SMG6: variants seen among roughly 807,000 people sequenced by gnomAD.
SMG6 encodes the protein SMG6 nonsense mediated mRNA decay factor.
In SMG6, 66 loss-of-function variants were observed where a neutral mutation model predicts 142.2. The ratio of observed to expected loss-of-function variants is 0.46; its 90% confidence interval spans 0.38 to 0.57. The LOEUF (loss-of-function observed/expected upper bound fraction) is 0.57. Ranked by LOEUF, SMG6 falls within the 20% of genes least tolerant of loss-of-function variation. SMG6 has a pLI of 0.00. For synonymous variants in SMG6, 779 were observed against 702.4 expected, an observed-to-expected ratio of 1.11 and a Z score of -1.72; for missense variants, 1,793 against 1,832.0, an observed-to-expected ratio of 0.98 and a Z score of 0.39.
chr17:2,068,780 A>G lies in SMG6; in HGVS notation c.3833T>C (p.Ile1278Thr). The G allele has an allele frequency of 1.9e-6, 3 of 1,613,874 alleles. No individual in the cohort carries two copies. The highest frequency in any genetic ancestry group is 2.5e-6 in the Non-Finnish European group (3 of 1,179,892). Residue 1278 changes from isoleucine to threonine, a missense_variant and splice_region_variant, in exon 16 of 19, where the codon ATC becomes ACC. This residue lies in a region of SMG6 where 179 missense variants were observed against 212.6 expected (regional missense o/e 0.84). Coordinates refer to ENST00000263073, the MANE Select transcript of SMG6 (RefSeq NM_017575.5). The surrounding 1 kb of genome is among the most constrained non-coding windows in gnomAD (Gnocchi z 6.7). ...TCTGCCCTTCCCGCCTGACTCACCG[A>G]TGAGGGGCACCACCAGGATGTACTT... ...SRKYILVVPL[I>T]VINELDGLAK...
chr17:2,196,615 G>C (rs1443899245), intron 10 of SMG6, among the ~76,000 whole-genome samples: 5 of 152,142 alleles, frequency 3.3e-5, no homozygotes, highest in Admixed American at 2.6e-4. Context: ...TCTCAGGAAC[G>C]TTTCACGTAG....
chr17:2,231,295 C>T (rs2073485542), intron 10 of SMG6, among the ~76,000 whole-genome samples: 1 of 152,176 alleles, frequency 6.6e-6, no homozygotes, highest in Non-Finnish European at 1.5e-5. Flanking sequence ...TTAAAGCTAT[C>T]AGTCCTATAC....
chr17:2,270,383 G>A (rs2074519794), intron 8 of SMG6, among the ~76,000 whole-genome samples: 1 of 152,122 alleles, frequency 6.6e-6, no homozygotes, highest in African/African-American at 2.4e-5. Context: ...GCTGAGGTGG[G>A]AGGATCACTT....
chr17:2,227,792 C>T (rs1290885282), intron 10 of SMG6, among the ~76,000 whole-genome samples: 1 of 152,090 alleles, frequency 6.6e-6, no homozygotes, highest in African/African-American at 2.4e-5. Flanking sequence ...TCTCAAGGTA[C>T]CAATAACTGC....
At chr17:2,184,612 G>T (rs369690497) in intron 12 of SMG6, among the ~76,000 whole-genome samples, 2 of 142,644 alleles carry the variant, frequency 1.4e-5, no homozygotes, top group African/African-American at 5.3e-5. Flanking sequence ...AGCTGAGGTC[G>T]CGCCATTATA....
At chr17:2,066,474 G>A (rs2067952542) in intron 16 of SMG6, among the ~76,000 whole-genome samples, 1 of 151,912 alleles carries the variant, frequency 6.6e-6, no homozygotes, top group South Asian at 2.1e-4. Flanking sequence ...AAAAGCCTGA[G>A]GTCAAGTGGG....
chr17:2,063,165 C>T (rs766176630), intron 18 of SMG6: 1 of 152,180 alleles, frequency 6.6e-6, no homozygotes, highest in Non-Finnish European at 1.5e-5. Context: ...AACCAAGGCC[C>T]GACATTGCTG....
intron 10 of SMG6, among the ~76,000 whole-genome samples, chr17:2,192,561 A>G (rs1486180972): frequency 6.6e-6 from 1 of 152,158 alleles, no homozygotes; most frequent in Non-Finnish European, 1.5e-5. Context: ...TTATTCACCA[A>G]TTCCCTCCCC....
intron 13 of SMG6, among the ~76,000 whole-genome samples, chr17:2,137,328 C>G (rs1403607718): frequency 6.6e-6 from 1 of 152,038 alleles, no homozygotes; most frequent in Non-Finnish European, 1.5e-5. Flanking sequence ...AATGTTTTTC[C>G]AGCTCAAAAG....
intron 12 of SMG6, among the ~76,000 whole-genome samples, chr17:2,184,868 G>T (rs1597548039): frequency 6.9e-6 from 1 of 144,178 alleles, no homozygotes; most frequent in East Asian, 2.1e-4. Context: ...GGGAGGCTGA[G>T]GTAGGAGAAT....
In SMG6 at chr17:2,201,184, G is replaced by A. The variant is rs548395482; in HGVS notation, c.2870-12669C>T. ...GTATATAAAGAACTCTTTCAACTCA[G>A]CAAAATAAATAAAAAATTGGGCAAA... On this transcript the variant is annotated intron_variant, in intron 10 of 18. Transcript: ENST00000263073. Among the ~76,000 whole-genome samples, 3 of 152,188 alleles carry A rather than the reference G, an allele frequency of 2.0e-5. No homozygotes were observed. In the South Asian group the frequency reaches 6.2e-4, roughly 32 times the overall value.
intron 8 of SMG6, among the ~76,000 whole-genome samples, chr17:2,249,053 A>ATT (rs535789657): frequency 2.1e-5 from 3 of 144,992 alleles, no homozygotes; most frequent in Non-Finnish European, 3.1e-5. Context: ...CGCCCCGTTA[A>ATT]TTTTTTTTTT....
At chr17:2,184,045 G>A (rs1173164719) in intron 12 of SMG6, among the ~76,000 whole-genome samples, 1 of 152,130 alleles carries the variant, frequency 6.6e-6, no homozygotes, top group Non-Finnish European at 1.5e-5. Context: ...GACTGACATG[G>A]ACCCAGAATC....
intron 13 of SMG6, among the ~76,000 whole-genome samples, chr17:2,106,363 G>A (rs1034329257): frequency 3.3e-5 from 5 of 152,102 alleles, no homozygotes. Flanking sequence ...AGCCACCAAC[G>A]TGCCTTTTAA....
intron 12 of SMG6, among the ~76,000 whole-genome samples, chr17:2,184,165 C>T (rs950614182): frequency 7.9e-5 from 12 of 152,008 alleles, no homozygotes; most frequent in African/African-American, 2.7e-4. Context: ...AGTTTTGAGA[C>T]CAGCCTGACC....
chr17:2,207,149 A>G, intron 10 of SMG6, among the ~76,000 whole-genome samples: 1 of 148,368 alleles, frequency 6.7e-6, no homozygotes, highest in Non-Finnish European at 1.5e-5. Context: ...AATAGCAGGC[A>G]TGGTGGTACA....
In SMG6 at chr17:2,266,101, T is replaced by C. The variant is rs2074417795; in HGVS notation, c.2661+16546A>G. 5.1e-6 allele frequency: 5 copies of C among 985,432 alleles called. No homozygotes were observed. In the South Asian group the frequency reaches 1.9e-4, roughly 37 times the overall value. 61.0% of individuals were successfully genotyped at this position (985,432 alleles called of 1,614,324 possible). On this transcript the variant is annotated intron_variant, in intron 8 of 18. Transcript: ENST00000263073. ...AGGATCTAGTACTTTCTGTTCACCA[T>C]GCGTGCCACTCAAAGTCTTTTACAA...
intron 13 of SMG6, among the ~76,000 whole-genome samples, chr17:2,096,692 C>T (rs1348929548): frequency 6.6e-6 from 1 of 152,198 alleles, no homozygotes; most frequent in African/African-American, 2.4e-5. Flanking sequence ...GTCTGCCAGC[C>T]TACCTTCCAC....
chr17:2,094,601 C>G lies in SMG6; in HGVS notation c.3358-8700G>C, dbSNP rs1051686165. On this transcript the variant is annotated intron_variant, in intron 13 of 18. Transcript: ENST00000263073. ...TTGTTGCCCGGGCTGCTCTTGGCTA[C>G]TCCGAACTCCTGGCCTCAAGGAATC... Among the ~76,000 whole-genome samples, 24 of 152,028 alleles carry G rather than the reference C, an allele frequency of 1.6e-4. 1 individual carries two copies. Among genetic ancestry groups the G allele is most frequent in the African/African-American group, 5.8e-4 (24 of 41,464 alleles).
Sources: gnomAD v4.1 joint callset for allele counts (sites outside exome capture counted in the v4.1 genomes callset) on GRCh38, gnomAD v4.1.1 for gene constraint, gnomAD v4.1.1 regional missense constraint, Gnocchi (gnomAD v3.1) non-coding constraint, MANE v1.5 for transcripts, NCBI Gene and HGNC (gene_info 2026-07-23, HGNC 2026-07-21) for gene names.